CCDC60: variants seen among roughly 807,000 people sequenced by gnomAD.
CCDC60 encodes coiled-coil domain containing 60, also known as coiled-coil domain-containing protein 60.
Under a neutral mutation model 63.5 loss-of-function variants are expected in CCDC60, and 54 were observed. The observed-to-expected ratio is 0.85, with a 90% CI of 0.68 to 1.07. The LOEUF (loss-of-function observed/expected upper bound fraction) is 1.07, where lower values mean the gene tolerates loss of function less well. Ranked by LOEUF, CCDC60 falls within the 50% of genes least tolerant of loss-of-function variation. The probability of loss-of-function intolerance (pLI) is 0.00; values close to 1 mark genes in which losing one functional copy is unlikely to be tolerated. For synonymous variants in CCDC60, 206 were observed against 238.8 expected, an observed-to-expected ratio of 0.86 and a Z score of 1.27; for missense variants, 651 against 684.3, an observed-to-expected ratio of 0.95 and a Z score of 0.54.
chr12:119,432,898 T>C (rs1186315617), intron 2 of CCDC60, among the ~76,000 whole-genome samples: 2 of 152,228 alleles, frequency 1.3e-5, no homozygotes, highest in Non-Finnish European at 2.9e-5. Flanking sequence ...AGGTAATAAA[T>C]ACTTAGAACT....
chr12:119,359,680 G>GCTTTCC (rs572200695), intron 1 of CCDC60, among the ~76,000 whole-genome samples: 7,941 of 151,934 alleles, frequency 0.052, 242 homozygotes, highest in Non-Finnish European at 0.078. Flanking sequence ...GGACCCTGCG[G>GCTTTCC]CCTTCCGCAG....
rs565566950 is a variant in CCDC60 at position 119,341,798 on chromosome 12, G to A, written c.90+6532G>A. 1.6e-4 allele frequency among the ~76,000 whole-genome samples: 25 copies of A among 152,330 alleles called. No individual in the cohort carries two copies. In the South Asian group the frequency reaches 5.2e-3, roughly 32 times the overall value. Reference sequence around the variant, plus strand: ...TCAGCTTAAGGGTAGAAGGGAAGAAGCAGGTCCAAAGATATTTTTAGAGTT... The same window carrying A: ...TCAGCTTAAGGGTAGAAGGGAAGAAACAGGTCCAAAGATATTTTTAGAGTT... On this transcript the variant is annotated intron_variant, in intron 1 of 13. Coordinates refer to ENST00000327554, the MANE Select transcript of CCDC60 (RefSeq NM_178499.5).
At chr12:119,507,467 C>CAT (rs1447802602) in intron 7 of CCDC60, among the ~76,000 whole-genome samples, 1 of 143,354 alleles carries the variant, frequency 7.0e-6, no homozygotes, top group Non-Finnish European at 1.5e-5. Context: ...TATACACATA[C>CAT]ATATATATAC....
In CCDC60 at chr12:119,368,298, A is replaced by G. The variant is rs571418325; in HGVS notation, c.90+33032A>G. 3.9e-5 allele frequency among the ~76,000 whole-genome samples: 6 copies of G among 152,288 alleles called. No homozygotes were observed. The South Asian group carries it at 1.2e-3, about 32-fold the overall frequency. ...ATGAAAGAATTCCTGGGTTCAAGCC[A>G]TAGAGCTGCCATTTTATAGCTGTAC... On this transcript the variant is annotated intron_variant, in intron 1 of 13. Coordinates refer to ENST00000327554, the MANE Select transcript of CCDC60 (RefSeq NM_178499.5).
At chr12:119,415,519 G>A (rs1593054033) in intron 1 of CCDC60, among the ~76,000 whole-genome samples, 1 of 152,202 alleles carries the variant, frequency 6.6e-6, no homozygotes, top group East Asian at 1.9e-4. Flanking sequence ...TTAGGCAATG[G>A]AGTCATGGGA....
intron 11 of CCDC60, chr12:119,524,317 A>T (rs1422769644): frequency 7.4e-6 from 2 of 269,256 alleles, no homozygotes; most frequent in Non-Finnish European, 1.1e-5. Flanking sequence ...GCGGGATTTG[A>T]TCTTAAGAGC....
chr12:119,425,783 G>A (rs1188541429), intron 1 of CCDC60, among the ~76,000 whole-genome samples: 1 of 152,196 alleles, frequency 6.6e-6, no homozygotes, highest in African/African-American at 2.4e-5. Context: ...CCTAGAAAAT[G>A]CTTGCATCTC....
In CCDC60 at chr12:119,410,795, T is replaced by C. The variant is rs1438679705; in HGVS notation, c.91-17888T>C. On this transcript the variant is annotated intron_variant, in intron 1 of 13. Coordinates refer to ENST00000327554, the MANE Select transcript of CCDC60 (RefSeq NM_178499.5). The surrounding 1 kb of genome is among the most constrained non-coding windows in gnomAD (Gnocchi z 4.0). ...TCTCGCTCTGTCACTCGGGCTGCAG[T>C]GCGGTGGCGCGATCTCAGCTCACTG... 2.0e-5 allele frequency among the ~76,000 whole-genome samples: 3 copies of C among 152,174 alleles called. No individual in the cohort carries two copies. Among genetic ancestry groups the C allele is most frequent in the Non-Finnish European group, 4.4e-5 (3 of 68,040 alleles).
intron 1 of CCDC60, among the ~76,000 whole-genome samples, chr12:119,370,857 A>G (rs1050736136): frequency 1.8e-4 from 27 of 152,000 alleles, no homozygotes; most frequent in Non-Finnish European, 3.8e-4. Context: ...GTGAGACCCC[A>G]TCTCTACAAA....
At chr12:119,437,513 T>C (rs1414676985) in intron 2 of CCDC60, among the ~76,000 whole-genome samples, 3 of 152,170 alleles carry the variant, frequency 2.0e-5, no homozygotes, top group African/African-American at 4.8e-5. Context: ...TTAACTCAAA[T>C]TGAGGCTTGG....
chr12:119,405,077 C>T (rs564496333), intron 1 of CCDC60, among the ~76,000 whole-genome samples: 102 of 152,274 alleles, frequency 6.7e-4, no homozygotes, highest in South Asian at 1.2e-3. Context: ...CAGGCTTTCA[C>T]GTTTGAAAAT....
intron 7 of CCDC60, among the ~76,000 whole-genome samples, chr12:119,505,977 C>A (rs1004518522): frequency 6.7e-6 from 1 of 149,778 alleles, no homozygotes. Flanking sequence ...CTTTGAAATT[C>A]GGTGTCTACT....
chr12:119,427,137 CTAAT>C (rs1956916019), intron 1 of CCDC60, among the ~76,000 whole-genome samples: 1 of 152,098 alleles, frequency 6.6e-6, no homozygotes, highest in Non-Finnish European at 1.5e-5. Flanking sequence ...CATTATGTAA[CTAAT>C]TAATATTTAT....
At chr12:119,528,323 A>C (rs1196391837) in intron 11 of CCDC60, among the ~76,000 whole-genome samples, 2 of 152,162 alleles carry the variant, frequency 1.3e-5, no homozygotes, top group Non-Finnish European at 2.9e-5. Flanking sequence ...AATCATTATT[A>C]TTCCCCATCT....
At chr12:119,451,317 A>C (rs2136282952) in intron 2 of CCDC60, among the ~76,000 whole-genome samples, 1 of 152,346 alleles carries the variant, frequency 6.6e-6, no homozygotes, top group Non-Finnish European at 1.5e-5. Context: ...TTAGCTGTTC[A>C]GTTCCTTAAG....
chr12:119,412,443 T>G (rs1419496512), intron 1 of CCDC60, among the ~76,000 whole-genome samples: 1 of 152,198 alleles, frequency 6.6e-6, no homozygotes, highest in African/African-American at 2.4e-5. Context: ...ATCCTTCTTA[T>G]CAGGACATTG....
chr12:119,381,726 C>T (rs1214596904), intron 1 of CCDC60, among the ~76,000 whole-genome samples: 2 of 152,098 alleles, frequency 1.3e-5, no homozygotes, highest in Admixed American at 6.6e-5. Context: ...CTCAGAGAGT[C>T]GAAGTCACTC....
chr12:119,480,659 GCAT>G (rs1221058954), intron 4 of CCDC60, among the ~76,000 whole-genome samples: 30 of 107,988 alleles, frequency 2.8e-4, no homozygotes, highest in East Asian at 8.7e-4. Context: ...ATCATCACCA[GCAT>G]CATCATCATC....
At chr12:119,514,296 C>G (rs1952293771) in intron 7 of CCDC60, among the ~76,000 whole-genome samples, 1 of 151,784 alleles carries the variant, frequency 6.6e-6, no homozygotes, top group African/African-American at 2.4e-5. Flanking sequence ...CCTGCCTCAG[C>G]CTCCCAAGCA....
Sources: allele counts gnomAD v4.1 joint callset (sites outside exome capture counted in the v4.1 genomes callset), GRCh38; gene constraint gnomAD v4.1.1; non-coding constraint Gnocchi (gnomAD v3.1); transcripts MANE v1.5; gene names NCBI Gene and HGNC (gene_info 2026-07-23, HGNC 2026-07-21).